The following PPM1E variants were observed in gnomAD, a reference collection of about 807,000 sequenced individuals.
PPM1E encodes protein phosphatase 1E.
PPM1E carries 20 observed loss-of-function variants against 65.9 expected under a neutral mutation model. The observed-to-expected ratio is 0.30, with a 90% CI of 0.21 to 0.44. The LOEUF (loss-of-function observed/expected upper bound fraction) is 0.44. PPM1E is among the 20% of genes least tolerant of loss of function. The pLI is 1.00. For missense variants in PPM1E, 713 were observed against 953.1 expected, an observed-to-expected ratio of 0.75 and a Z score of 3.32; for synonymous variants, 352 against 374.9, an observed-to-expected ratio of 0.94 and a Z score of 0.70.
chr17:58,788,800 T>G lies in PPM1E; in HGVS notation c.464+32339T>G, dbSNP rs143662523. Among the ~76,000 whole-genome samples, 101 of 152,262 alleles carry G rather than the reference T, an allele frequency of 6.6e-4. No individual in the cohort carries two copies. In the East Asian group the frequency reaches 0.016, roughly 24 times the overall value. On this transcript the variant is annotated intron_variant, in intron 1 of 6. Coordinates refer to ENST00000308249, the MANE Select transcript of PPM1E (RefSeq NM_014906.5). ...AGTCTCTGGCAACAATAGCAGGGAG[T>G]TAGGGCAGACAAATTGAACATTCCT...
At chr17:58,910,487 A>G (rs1424202942) in intron 1 of PPM1E, among the ~76,000 whole-genome samples, 3 of 151,920 alleles carry the variant, frequency 2.0e-5, no homozygotes, top group Non-Finnish European at 4.4e-5. Flanking sequence ...TCTCCACCAT[A>G]TCTAGTTCTG....
chr17:58,856,024 A>G (rs1308296546), intron 1 of PPM1E, among the ~76,000 whole-genome samples: 1 of 152,238 alleles, frequency 6.6e-6, no homozygotes, highest in African/African-American at 2.4e-5. Context: ...TTTACTTAAT[A>G]TGGTCATGGA....
intron 1 of PPM1E, among the ~76,000 whole-genome samples, chr17:58,827,999 A>C (rs2050559876): frequency 6.7e-6 from 1 of 150,104 alleles, no homozygotes; most frequent in African/African-American, 2.5e-5. Context: ...TGGGCAGATC[A>C]CCCGAGGTCA....
At chr17:58,858,128 T>TAAAC (rs2050902628) in intron 1 of PPM1E, among the ~76,000 whole-genome samples, 1 of 152,122 alleles carries the variant, frequency 6.6e-6, no homozygotes, top group Admixed American at 6.5e-5. Flanking sequence ...ATAAAGCCAA[T>TAAAC]GTTTTTAGAG....
At chr17:58,915,809 T>C (rs1317897639) in intron 1 of PPM1E, among the ~76,000 whole-genome samples, 1 of 152,226 alleles carries the variant, frequency 6.6e-6, no homozygotes, top group Non-Finnish European at 1.5e-5. Context: ...TACTTTGCAA[T>C]GTGGAATGGA....
At chr17:58,756,495 GCGGTCCCC>G (rs2049766109) in intron 1 of PPM1E, 34 bp downstream of exon 1, 1 of 1,266,136 alleles carries the variant, frequency 7.9e-7, no homozygotes, top group African/African-American at 1.6e-5. Flanking sequence ...TGGTGGGCCC[GCGGTCCCC>G]ACCGCGCCGG....
chr17:58,925,677 T>G (rs191386963), intron 1 of PPM1E, among the ~76,000 whole-genome samples: 3,065 of 152,028 alleles, frequency 0.02, 60 homozygotes, highest in Non-Finnish European at 0.026. Context: ...CCTGACCTCA[T>G]GATCCGCCTG....
chr17:58,852,664 C>T (rs537550834), intron 1 of PPM1E, among the ~76,000 whole-genome samples: 26 of 148,222 alleles, frequency 1.8e-4, no homozygotes, highest in East Asian at 1.2e-3. Context: ...AGTGCAGTGG[C>T]GTGATCTCGG....
chr17:58,852,567 G>A (rs1460284934), intron 1 of PPM1E, among the ~76,000 whole-genome samples: 6 of 149,638 alleles, frequency 4.0e-5, no homozygotes, highest in African/African-American at 1.2e-4. Context: ...TTTTTTAAAT[G>A]TGCTTTATGA....
chr17:58,826,441 T>A (rs1015402606), intron 1 of PPM1E, among the ~76,000 whole-genome samples: 1 of 152,200 alleles, frequency 6.6e-6, no homozygotes, highest in African/African-American at 2.4e-5. Context: ...TTATTCAGGT[T>A]GTTATGGCAA....
chr17:58,885,363 C>G (rs1229818398), intron 1 of PPM1E, among the ~76,000 whole-genome samples: 1 of 152,188 alleles, frequency 6.6e-6, no homozygotes, highest in African/African-American at 2.4e-5. Context: ...AGCCAACAAT[C>G]TTATTTTAAA....
chr17:58,784,404 A>G (rs1184659714), intron 1 of PPM1E, among the ~76,000 whole-genome samples: 2 of 151,342 alleles, frequency 1.3e-5, no homozygotes, highest in Non-Finnish European at 2.9e-5. Context: ...TGTCTTGAAT[A>G]TTGGTTTGAT....
intron 1 of PPM1E, among the ~76,000 whole-genome samples, chr17:58,910,444 T>C (rs1390123381): frequency 6.6e-6 from 1 of 152,188 alleles, no homozygotes; most frequent in Non-Finnish European, 1.5e-5. Flanking sequence ...TTAATCATAG[T>C]TGTTTTAAAT....
At chr17:58,964,733 T>A (rs1266757941) in intron 2 of PPM1E, among the ~76,000 whole-genome samples, 2 of 152,088 alleles carry the variant, frequency 1.3e-5, no homozygotes, top group East Asian at 3.8e-4. Flanking sequence ...AAAACTTTAA[T>A]AAACAAATAA....
At chr17:58,884,846 T>C (rs2051247149) in intron 1 of PPM1E, among the ~76,000 whole-genome samples, 1 of 152,092 alleles carries the variant, frequency 6.6e-6, no homozygotes, top group African/African-American at 2.4e-5. Context: ...GCCTTGCACA[T>C]AGTATACCCT....
intron 1 of PPM1E, among the ~76,000 whole-genome samples, chr17:58,846,292 T>C (rs183456484): frequency 8.5e-5 from 13 of 152,290 alleles, no homozygotes; most frequent in African/African-American, 3.1e-4. Flanking sequence ...TATTATACTT[T>C]AAATTCTAGG....
chr17:58,982,833 C>G lies in PPM1E; in HGVS notation c.*1802C>G, dbSNP rs2031440305. On this transcript the variant is annotated 3_prime_UTR_variant, in exon 7 of 7. Transcript: ENST00000308249. The stretch of plus-strand genomic sequence containing the variant: ...TTTTCATCATTCTGAGGCTTTGCCC[C>G]ACACATGGTCCTCACTCATATCTGT... 1 of 1,378,598 alleles carries G rather than the reference C, an allele frequency of 7.3e-7. No individual in the cohort carries two copies. Among genetic ancestry groups the G allele is most frequent in the Non-Finnish European group, 1.0e-6 (1 of 990,930 alleles). 85.4% of individuals were successfully genotyped at this position (1,378,598 alleles called of 1,614,324 possible). A position where few individuals can be genotyped will look rare whatever the true frequency, so the allele number is the denominator to read the frequency against.
chr17:58,789,335 CT>C (rs1358214085), intron 1 of PPM1E, among the ~76,000 whole-genome samples: 2 of 152,196 alleles, frequency 1.3e-5, no homozygotes, highest in Admixed American at 6.5e-5. Context: ...CATCCCACCC[CT>C]ATTTAGTTAT....
At chr17:58,935,266 G>A (rs972136731) in intron 1 of PPM1E, among the ~76,000 whole-genome samples, 4 of 149,674 alleles carry the variant, frequency 2.7e-5, no homozygotes, top group African/African-American at 9.8e-5. Context: ...AAAAAAAATG[G>A]CTAGGCTGTA....
Sources: gnomAD v4.1 joint callset for allele counts (sites outside exome capture counted in the v4.1 genomes callset) on GRCh38, gnomAD v4.1.1 for gene constraint, MANE v1.5 for transcripts, NCBI Gene and HGNC (gene_info 2026-07-23, HGNC 2026-07-21) for gene names.